The following KCNJ3 variants were observed in gnomAD, a reference collection of about 807,000 sequenced individuals.
KCNJ3 encodes potassium inwardly rectifying channel subfamily J member 3.
KCNJ3 carries 4 observed loss-of-function variants against 39.2 expected under a neutral mutation model. That is an observed-to-expected ratio of 0.10 (90% CI 0.05 to 0.23). The LOEUF is 0.23. KCNJ3 is among the 10% of genes least tolerant of loss of function. The pLI, the probability that KCNJ3 is intolerant of heterozygous loss-of-function variation, is 1.00. For synonymous variants in KCNJ3, 230 were observed against 237.4 expected, an observed-to-expected ratio of 0.97 and a Z score of 0.29; for missense variants, 276 against 634.9, an observed-to-expected ratio of 0.43 and a Z score of 6.08.
intron 2 of KCNJ3, among the ~76,000 whole-genome samples, chr2:154,727,383 C>T (rs1171752809): frequency 4.6e-5 from 7 of 150,800 alleles, no homozygotes; most frequent in African/African-American, 1.5e-4. Flanking sequence ...GTCAGGAGTT[C>T]GAGACCAACC....
chr2:154,738,709 G>T (rs1047960414), intron 2 of KCNJ3, among the ~76,000 whole-genome samples: 1 of 151,958 alleles, frequency 6.6e-6, no homozygotes. Flanking sequence ...GACAGAAGAC[G>T]GTGGAAAAAT....
At chr2:154,847,872 T>A (rs974429403) in intron 2 of KCNJ3, among the ~76,000 whole-genome samples, 1 of 152,164 alleles carries the variant, frequency 6.6e-6, no homozygotes, top group African/African-American at 2.4e-5. Context: ...GCATCTGGCA[T>A]TAAAACCGAT....
At chr2:154,749,264 C>A (rs2105180376) in intron 2 of KCNJ3, among the ~76,000 whole-genome samples, 1 of 152,170 alleles carries the variant, frequency 6.6e-6, no homozygotes, top group South Asian at 2.1e-4. Context: ...AGAGACCCCC[C>A]TCAAAATTAA....
At chr2:154,715,232 T>A (rs1685161658) in intron 2 of KCNJ3, among the ~76,000 whole-genome samples, 1 of 152,204 alleles carries the variant, frequency 6.6e-6, no homozygotes, top group African/African-American at 2.4e-5. Context: ...TCTGTTTGCA[T>A]ACAGATAGCA....
intron 2 of KCNJ3, among the ~76,000 whole-genome samples, chr2:154,710,454 G>A (rs1164190215): frequency 1.3e-5 from 2 of 152,058 alleles, no homozygotes; most frequent in Admixed American, 1.3e-4. Context: ...ATATAACTTG[G>A]TATGCCCCAA....
chr2:154,725,519 C>T (rs74266741), intron 2 of KCNJ3, among the ~76,000 whole-genome samples: 3,584 of 152,138 alleles, frequency 0.024, 134 homozygotes, highest in East Asian at 0.16. Flanking sequence ...TTCATGGTTC[C>T]ACTCCCAGTG....
chr2:154,810,347 G>A (rs940943410), intron 2 of KCNJ3, among the ~76,000 whole-genome samples: 3 of 152,096 alleles, frequency 2.0e-5, no homozygotes, highest in African/African-American at 7.2e-5. Flanking sequence ...GCCTCCCAAA[G>A]TGCTGGGATT....
At chr2:154,786,299 G>A (rs2105206922) in intron 2 of KCNJ3, among the ~76,000 whole-genome samples, 1 of 152,180 alleles carries the variant, frequency 6.6e-6, no homozygotes, top group African/African-American at 2.4e-5. Flanking sequence ...AACTGTGGGA[G>A]GAAAATTATA....
intron 2 of KCNJ3, among the ~76,000 whole-genome samples, chr2:154,733,568 A>G (rs1011723229): frequency 6.6e-6 from 1 of 152,222 alleles, no homozygotes. Context: ...GAATGCTTAT[A>G]TAATAGAAAT....
At chr2:154,845,494 A>AGTT (rs1687649212) in intron 2 of KCNJ3, among the ~76,000 whole-genome samples, 3 of 152,192 alleles carry the variant, frequency 2.0e-5, no homozygotes, top group South Asian at 4.1e-4. Context: ...GTAGTTATAT[A>AGTT]GTTAAGATAT....
At chr2:154,853,195 C>G (rs1418602266) in intron 2 of KCNJ3, among the ~76,000 whole-genome samples, 1 of 150,130 alleles carries the variant, frequency 6.7e-6, no homozygotes, top group Non-Finnish European at 1.5e-5. Flanking sequence ...ACAGTGCTAG[C>G]CACATGATAG....
In KCNJ3 at chr2:154,856,450, G is replaced by C. The variant is rs979270390; in HGVS notation, c.*1137G>C. The C allele has an allele frequency of 1.3e-5, 2 of 152,398 alleles. No homozygotes were observed. The highest frequency in any genetic ancestry group is 2.9e-5 in the Non-Finnish European group (2 of 67,988). The allele number at this position is 152,398 out of a possible 1,614,324, so 9.4% of individuals were successfully genotyped here. Reference sequence around the variant, plus strand: ...AATGAAACAGATGATAAATATTTATGCTTAAAATATGTATGTCTAATTGAG... The same window carrying C: ...AATGAAACAGATGATAAATATTTATCCTTAAAATATGTATGTCTAATTGAG... On this transcript the variant is annotated 3_prime_UTR_variant, in exon 3 of 3. Coordinates refer to ENST00000295101, the MANE Select transcript of KCNJ3 (RefSeq NM_002239.4).
chr2:154,709,938 G>T (rs1396049759), intron 2 of KCNJ3, 119 bp downstream of exon 2: 2 of 1,185,554 alleles, frequency 1.7e-6, no homozygotes, highest in Non-Finnish European at 2.3e-6. Flanking sequence ...TGAAAGTAAT[G>T]ATTTGCCTTT....
chr2:154,727,024 G>A (rs573432338), intron 2 of KCNJ3, among the ~76,000 whole-genome samples: 1 of 152,192 alleles, frequency 6.6e-6, no homozygotes, highest in African/African-American at 2.4e-5. Flanking sequence ...GAAAGGGTGG[G>A]AGGGGACTGA....
At chr2:154,707,328 T>C (rs1006159372) in intron 1 of KCNJ3, among the ~76,000 whole-genome samples, 2 of 152,060 alleles carry the variant, frequency 1.3e-5, no homozygotes, top group African/African-American at 4.8e-5. Flanking sequence ...ATATTAAGTC[T>C]CAATGGAACA....
intron 2 of KCNJ3, among the ~76,000 whole-genome samples, chr2:154,717,273 G>A (rs1685197572): frequency 6.6e-6 from 1 of 152,162 alleles, no homozygotes; most frequent in Non-Finnish European, 1.5e-5. Context: ...GACTGGAGAT[G>A]AGCCTAGAAT....
chr2:154,791,314 G>T (rs948501938), intron 2 of KCNJ3, among the ~76,000 whole-genome samples: 22 of 152,024 alleles, frequency 1.4e-4, no homozygotes, highest in African/African-American at 4.8e-4. Context: ...GATGTTGGAG[G>T]TGTTAAAACT....
chr2:154,709,037 C>T lies in KCNJ3; in HGVS notation c.703-566C>T, dbSNP rs995827638. On this transcript the variant is annotated intron_variant, in intron 1 of 2. Transcript: ENST00000295101. ...TTTTTATTATGTAAGCTCTTGTGTA[C>T]ATAACATAGCTTAATATGGGAACAT... Among the ~76,000 whole-genome samples the T allele has an allele frequency of 4.6e-5, 7 of 152,172 alleles. 1 individual carries two copies. Among genetic ancestry groups the T allele is most frequent in the Non-Finnish European group, 2.9e-5 (2 of 68,030 alleles).
chr2:154,768,024 G>A (rs1686166555), intron 2 of KCNJ3, among the ~76,000 whole-genome samples: 1 of 152,108 alleles, frequency 6.6e-6, no homozygotes, highest in South Asian at 2.1e-4. Flanking sequence ...CCCACTTTTT[G>A]ATGGGGTTGT....
Sources: gnomAD v4.1 joint callset for allele counts (sites outside exome capture counted in the v4.1 genomes callset) on GRCh38, gnomAD v4.1.1 for gene constraint, MANE v1.5 for transcripts, NCBI Gene and HGNC (gene_info 2026-07-23, HGNC 2026-07-21) for gene names.